Variants in RBFOX1 observed in about 807,000 individuals in gnomAD.
RBFOX1 encodes the protein RNA binding fox-1 homolog 1.
RBFOX1 carries 8 observed loss-of-function variants against 57.7 expected under a neutral mutation model. The ratio of observed to expected loss-of-function variants is 0.14; its 90% CI spans 0.08 to 0.25. The LOEUF (loss-of-function observed/expected upper bound fraction) is 0.25. Ranked by LOEUF, RBFOX1 falls within the 10% of genes least tolerant of loss-of-function variation. The pLI is 1.00. For missense variants in RBFOX1, 611 were observed against 548.5 expected (o/e 1.11, Z -1.14); for synonymous variants, 326 against 222.4 (o/e 1.47, Z -4.15).
At chr16:5,821,934 A>C (rs2055872137) in intron 3 of RBFOX1, among the ~76,000 whole-genome samples, 1 of 152,202 alleles carries the variant, frequency 6.6e-6, no homozygotes, top group Admixed American at 6.5e-5. Context: ...CCCACTTACT[A>C]ATAATGTTGC....
chr16:6,744,383 A>G (rs1048528433), intron 3 of RBFOX1, among the ~76,000 whole-genome samples: 5 of 152,106 alleles, frequency 3.3e-5, no homozygotes, highest in Admixed American at 6.5e-5. Context: ...CTATCCTAAA[A>G]TAGCAGGATA....
chr16:5,562,628 C>G (rs2045929760), intron 2 of RBFOX1, among the ~76,000 whole-genome samples: 1 of 152,076 alleles, frequency 6.6e-6, no homozygotes, highest in African/African-American at 2.4e-5. Context: ...CTTGTAAGTG[C>G]TAGGGAGTCT....
At chr16:7,054,043 G>A (rs1169097375) in intron 4 of RBFOX1, among the ~76,000 whole-genome samples, 1 of 151,654 alleles carries the variant, frequency 6.6e-6, no homozygotes, top group East Asian at 1.9e-4. Flanking sequence ...AGTACTGGTA[G>A]CTATCTCATC....
intron 2 of RBFOX1, among the ~76,000 whole-genome samples, chr16:6,567,232 A>C (rs570250340): frequency 5.3e-5 from 8 of 152,260 alleles, no homozygotes; most frequent in African/African-American, 1.7e-4. Context: ...GCAGCTTCCT[A>C]ATCTCCAAAT....
intron 4 of RBFOX1, among the ~76,000 whole-genome samples, chr16:7,167,466 C>A (rs1035241410): frequency 6.6e-5 from 10 of 152,072 alleles, no homozygotes; most frequent in Non-Finnish European, 1.2e-4. Context: ...AAGAGTGATG[C>A]AGCCACAAGC....
chr16:6,379,148 A>G (rs2091522143), intron 2 of RBFOX1, among the ~76,000 whole-genome samples: 1 of 152,152 alleles, frequency 6.6e-6, no homozygotes, highest in Admixed American at 6.5e-5. Flanking sequence ...TGGTTTGAGA[A>G]GAAAGATGCT....
chr16:5,314,817 C>T (rs1303653100), intron 1 of RBFOX1, among the ~76,000 whole-genome samples: 2 of 130,964 alleles, frequency 1.5e-5, no homozygotes, highest in Non-Finnish European at 3.3e-5. Context: ...CTTTTAAAAC[C>T]AGAAGATATT....
intron 4 of RBFOX1, among the ~76,000 whole-genome samples, chr16:7,193,517 A>G (rs956565638): frequency 6.6e-6 from 1 of 152,250 alleles, no homozygotes; most frequent in East Asian, 1.9e-4. Flanking sequence ...CAAGTAATCA[A>G]TATAACTGCA....
intron 2 of RBFOX1, among the ~76,000 whole-genome samples, chr16:6,503,762 G>A (rs563188144): frequency 1.3e-5 from 2 of 152,296 alleles, no homozygotes; most frequent in Non-Finnish European, 2.9e-5. Flanking sequence ...CAATCCCAGA[G>A]TGAGTGATGT....
intron 9 of RBFOX1, among the ~76,000 whole-genome samples, chr16:7,600,935 G>A (rs114446430): frequency 2.2e-3 from 340 of 152,298 alleles, no homozygotes; most frequent in African/African-American, 7.3e-3. Flanking sequence ...CACAAAGAGG[G>A]GATTGGACTA....
chr16:7,250,820 C>G (rs2094474440), intron 4 of RBFOX1, among the ~76,000 whole-genome samples: 1 of 152,192 alleles, frequency 6.6e-6, no homozygotes, highest in African/African-American at 2.4e-5. Context: ...TCTGGCTACT[C>G]TGTTTCCTTC....
intron 5 of RBFOX1, among the ~76,000 whole-genome samples, chr16:7,534,252 A>G (rs2080940840): frequency 2.0e-5 from 3 of 150,198 alleles, no homozygotes; most frequent in African/African-American, 7.3e-5. Flanking sequence ...ACACCCAGTT[A>G]ATTTTTTTTT....
At chr16:5,901,523 C>G (rs1333034894) in intron 4 of RBFOX1, among the ~76,000 whole-genome samples, 1 of 152,134 alleles carries the variant, frequency 6.6e-6, no homozygotes, top group African/African-American at 2.4e-5. Context: ...GGTAGCCACT[C>G]AATGCATGTG....
chr16:6,024,369 T>C (rs1270771719), intron 1 of RBFOX1, among the ~76,000 whole-genome samples: 2 of 152,136 alleles, frequency 1.3e-5, no homozygotes. Flanking sequence ...CCAAAAATTA[T>C]AGTGTGATAG....
intron 3 of RBFOX1, among the ~76,000 whole-genome samples, chr16:5,615,890 C>G (rs2048005260): frequency 6.6e-6 from 1 of 152,200 alleles, no homozygotes; most frequent in Admixed American, 6.5e-5. Flanking sequence ...TGTGGCACCG[C>G]TGTTCAGTGC....
chr16:5,953,955 T>C (rs2059572137), intron 4 of RBFOX1, among the ~76,000 whole-genome samples: 1 of 152,152 alleles, frequency 6.6e-6, no homozygotes, highest in South Asian at 2.1e-4. Flanking sequence ...CCAACCGTGG[T>C]ACCCATACCC....
Position 7,102,222 on chromosome 16 carries a change from G to C in RBFOX1, c.27+50124G>C, listed in dbSNP as rs545913837. Among the ~76,000 whole-genome samples, 3 of 152,286 alleles carry C rather than the reference G, an allele frequency of 2.0e-5. No individual in the cohort carries two copies. The South Asian group carries it at 6.2e-4, about 32-fold the overall frequency. On this transcript the variant is annotated intron_variant, in intron 4 of 15. Transcript: ENST00000550418. ...AGGGGCATTCCCTGAGGAAATTCGG[G>C]CTGGAGAAGAGAGATGAAAATATCT...
chr16:6,304,037 C>T (rs1446259058), intron 1 of RBFOX1, among the ~76,000 whole-genome samples: 1 of 150,932 alleles, frequency 6.6e-6, no homozygotes, highest in Non-Finnish European at 1.5e-5. Context: ...GTCTTGAACT[C>T]CTGACCTCAT....
intron 3 of RBFOX1, among the ~76,000 whole-genome samples, chr16:6,881,432 G>A (rs1276801265): frequency 2.0e-5 from 3 of 152,146 alleles, no homozygotes; most frequent in Admixed American, 2.0e-4. Context: ...GGTTCCTTCT[G>A]AGGGCTGTGA....
Sources: allele counts gnomAD v4.1 joint callset (sites outside exome capture counted in the v4.1 genomes callset), GRCh38; gene constraint gnomAD v4.1.1; transcripts MANE v1.5; gene names NCBI Gene and HGNC (gene_info 2026-07-23, HGNC 2026-07-21).